CRBN: variants seen among roughly 807,000 people sequenced by gnomAD.
The protein encoded by CRBN is cereblon.
A neutral mutation model predicts 62.2 loss-of-function variants in CRBN; 53 were observed. The ratio of observed to expected loss-of-function variants is 0.85; its 90% CI spans 0.68 to 1.07. The LOEUF (loss-of-function observed/expected upper bound fraction) is 1.07, where lower values mean the gene tolerates loss of function less well. Among genes scored for constraint, CRBN ranks in the 50% least tolerant of loss-of-function variants. CRBN has a pLI of 0.00. For synonymous variants in CRBN, 208 were observed against 176.1 expected (o/e 1.18, Z -1.43); for missense variants, 616 against 531.1 (o/e 1.16, Z -1.57).
intron 10 of CRBN, among the ~76,000 whole-genome samples, chr3:3,151,271 TC>T (rs1464715843): frequency 6.6e-6 from 1 of 152,250 alleles, no homozygotes; most frequent in Non-Finnish European, 1.5e-5. Context: ...TTTACATTTT[TC>T]TTCTACTGCA....
intron 6 of CRBN, chr3:3,155,102 C>G (rs1706825986): frequency 2.1e-6 from 1 of 469,040 alleles, no homozygotes; most frequent in Admixed American, 3.6e-5. Flanking sequence ...TGTTCTATGC[C>G]CCTGCTTGGA....
intron 3 of CRBN, among the ~76,000 whole-genome samples, chr3:3,173,581 T>C (rs950424690): frequency 1.3e-5 from 2 of 152,324 alleles, no homozygotes; most frequent in Admixed American, 1.3e-4. Flanking sequence ...GCTTCCTGTA[T>C]GTATTTCCTG....
chr3:3,165,312 A>T (rs1707286806), intron 5 of CRBN, among the ~76,000 whole-genome samples: 3 of 152,228 alleles, frequency 2.0e-5, no homozygotes, highest in Non-Finnish European at 2.9e-5. Flanking sequence ...TTCTGACAGG[A>T]CTGACTCCAA....
chr3:3,171,592 G>A (rs1707617417), intron 4 of CRBN, among the ~76,000 whole-genome samples: 1 of 152,152 alleles, frequency 6.6e-6, no homozygotes, highest in African/African-American at 2.4e-5. Flanking sequence ...TACCTGGGGA[G>A]AACTAAACAC....
intron 4 of CRBN, among the ~76,000 whole-genome samples, chr3:3,170,937 C>G (rs1013874612): frequency 3.2e-4 from 49 of 152,112 alleles, no homozygotes. Flanking sequence ...TCCCTAGTAG[C>G]TGGGATTACA....
At chr3:3,168,704 GA>G (rs1441494715) in intron 4 of CRBN, among the ~76,000 whole-genome samples, 1 of 152,096 alleles carries the variant, frequency 6.6e-6, no homozygotes, top group Non-Finnish European at 1.5e-5. Flanking sequence ...TATTATGGAT[GA>G]AATTCTGACA....
At position 3,150,731 on chromosome 3, in the gene CRBN, C is replaced by G; in HGVS notation, c.*134G>C. On this transcript the variant is annotated 3_prime_UTR_variant, in exon 11 of 11. Transcript: ENST00000231948. ...ATACAGTTTCACTTAGAAACTGCAA[C>G]CCTCCAAGTAATGTTATGTTTACTT... 1 of 881,912 alleles carries G rather than the reference C, an allele frequency of 1.1e-6. No homozygotes were observed. The highest frequency in any genetic ancestry group is 1.7e-6 in the Non-Finnish European group (1 of 582,330). 54.6% of individuals were successfully genotyped at this position (881,912 alleles called of 1,614,324 possible).
intron 5 of CRBN, among the ~76,000 whole-genome samples, chr3:3,166,583 T>G (rs1280627177): frequency 3.3e-5 from 5 of 152,146 alleles, no homozygotes; most frequent in Admixed American, 6.5e-5. Flanking sequence ...AATTATATCT[T>G]CCTTATTAGA....
intron 4 of CRBN, among the ~76,000 whole-genome samples, chr3:3,171,667 T>C (rs1707622289): frequency 6.6e-6 from 1 of 152,186 alleles, no homozygotes; most frequent in Admixed American, 6.5e-5. Flanking sequence ...AGGAGCTACC[T>C]GACATGTCAA....
At chr3:3,178,495 C>G (rs1707924556) in intron 1 of CRBN, among the ~76,000 whole-genome samples, 1 of 152,180 alleles carries the variant, frequency 6.6e-6, no homozygotes, top group Non-Finnish European at 1.5e-5. Context: ...GCAACTTAGA[C>G]CCAATATACC....
Position 3,172,872 on chromosome 3 carries a change from T to C in CRBN, c.431A>G (p.Tyr144Cys). 1.2e-6 allele frequency: 2 copies of C among 1,613,666 alleles called. No individual in the cohort carries two copies. The highest frequency in any genetic ancestry group is 1.7e-6 in the Non-Finnish European group (2 of 1,179,558). Residue 144 changes from tyrosine to cysteine, a missense_variant, in exon 4 of 11, where the codon TAT (tyrosine) becomes TGT (cysteine). Physicochemically the swap from Tyr to Cys is radical, Grantham distance 194. Coordinates refer to ENST00000231948, the MANE Select transcript of CRBN (RefSeq NM_016302.4). ...QFGTTAEIYAYREEQDFGIEI... is the reference protein window; with the variant it reads ...QFGTTAEIYACREEQDFGIEI... ...AATTCCAAAATCCTGTTCTTCTCGA[T>C]AGGCATATATCTCTGCTGTTGTTCC...
Position 3,175,235 on chromosome 3 carries a change from T to C in CRBN, c.102A>G (p.Glu34=), listed in dbSNP as rs200322385. 2.5e-6 allele frequency: 4 copies of C among 1,613,324 alleles called. No individual in the cohort carries two copies. Among genetic ancestry groups the C allele is most frequent in the East Asian group, 4.5e-5 (2 of 44,850 alleles). ...TTTTGGCTTCTTTACTATCCTGGTC[T>C]TCAACTTCCATTTCATCTTCTTCCT... is the stretch of plus-strand genomic sequence containing the variant. ...ESEEEDEMEV[E]DQDSKEAKKP... Residue 34 remains glutamate (E), a synonymous_variant, in exon 2 of 11, where the codon GAA becomes GAG. Coordinates refer to ENST00000231948, the MANE Select transcript of CRBN (RefSeq NM_016302.4).
rs1380469336 is a variant in CRBN, at chr3:3,153,904, C to T, written c.951+56G>A. 89 of 1,104,122 alleles carry T rather than the reference C, an allele frequency of 8.1e-5. 1 individual carries two copies. The highest frequency in any genetic ancestry group is 1.2e-5 in the South Asian group (1 of 80,044). The allele number at this position is 1,104,122 out of a possible 1,614,324, so 68.4% of individuals were successfully genotyped here. On this transcript the variant is annotated intron_variant, in intron 8 of 10. Transcript: ENST00000231948. ...GCTCCATTGGCCCCAACAGAGCATC[C>T]TAGTTCTCCAGCCTGAATAAAACAT... is the stretch of plus-strand genomic sequence containing the variant.
At chr3:3,157,971 T>C (rs1706975080) in intron 5 of CRBN, among the ~76,000 whole-genome samples, 1 of 152,150 alleles carries the variant, frequency 6.6e-6, no homozygotes, top group Non-Finnish European at 1.5e-5. Context: ...AGGACAGACT[T>C]GTTCTAAAAC....
At chr3:3,163,827 CA>C (rs200953414) in intron 5 of CRBN, among the ~76,000 whole-genome samples, 6 of 150,406 alleles carry the variant, frequency 4.0e-5, no homozygotes, top group East Asian at 3.9e-4. Flanking sequence ...AACAAACAAA[CA>C]AAAAAAAAAT....
At chr3:3,151,563 G>A (rs1205175755) in intron 10 of CRBN, among the ~76,000 whole-genome samples, 3 of 152,176 alleles carry the variant, frequency 2.0e-5, no homozygotes, top group Admixed American at 6.5e-5. Flanking sequence ...ATGGTATTTT[G>A]TTCTTAAGAT....
chr3:3,179,547 A>T, intron 1 of CRBN, 74 bp downstream of exon 1: 1 of 1,471,554 alleles, frequency 6.8e-7, no homozygotes. Context: ...CCCGCCTCCC[A>T]GGCCCAGCTG....
chr3:3,153,809 C>T, intron 8 of CRBN, 151 bp downstream of exon 8: 1 of 667,266 alleles, frequency 1.5e-6, no homozygotes, highest in South Asian at 1.7e-5. Flanking sequence ...AAACACAAAA[C>T]AATGAGTTTG....
In CRBN at chr3:3,156,270, AT is replaced by A. The variant is rs1223930609; in HGVS notation, c.698del (p.His233LeufsTer5). ...WWQKYQKRKFHCANLTSWPRW... is the reference protein window; with the variant it reads ...WWQKYQKRKFXCANLTSWPRW... ...GAGGCCATGAAGTTAGATTTGCACA[AT>A]GAAACTTTCTCTGAAAACAAAACAA... is the stretch of plus-strand genomic sequence containing the variant. On this transcript the variant is annotated frameshift_variant, in exon 6 of 11. Transcript: ENST00000231948. LOFTEE classifies it high-confidence loss of function. 1 of 1,614,060 alleles carries A rather than the reference AT, an allele frequency of 6.2e-7. No individual in the cohort carries two copies. Among genetic ancestry groups the A allele is most frequent in the Admixed American group, 1.7e-5 (1 of 60,030 alleles).
Sources: gnomAD v4.1 joint callset for allele counts (sites outside exome capture counted in the v4.1 genomes callset) on GRCh38, gnomAD v4.1.1 for gene constraint, MANE v1.5 for transcripts, NCBI Gene and HGNC (gene_info 2026-07-23, HGNC 2026-07-21) for gene names.